The following ARHGAP39 variants were observed in gnomAD, a reference collection of about 807,000 sequenced individuals.
The protein encoded by ARHGAP39 is Rho GTPase activating protein 39.
ARHGAP39 carries 44 observed loss-of-function variants against 106.9 expected under a neutral mutation model. That is an observed-to-expected ratio of 0.41 (90% CI 0.32 to 0.53). The LOEUF (loss-of-function observed/expected upper bound fraction) is 0.53. Ranked by LOEUF, ARHGAP39 falls within the 20% of genes least tolerant of loss-of-function variation. The pLI is 0.21. For missense variants in ARHGAP39, 1,496 were observed against 1,577.3 expected, an observed-to-expected ratio of 0.95 and a Z score of 0.87; for synonymous variants, 768 against 693.2, an observed-to-expected ratio of 1.11 and a Z score of -1.69.
chr8:144,684,548 C>T lies in ARHGAP39; in HGVS notation c.-82+1138G>A, dbSNP rs909950664. ...AGGGGGAGGGGGCCCGGCTGCGTTT[C>T]CGAAGCTGCGCAGCGCCCACAGCAG... On this transcript the variant is annotated intron_variant, in intron 1 of 11. Transcript: ENST00000377307. The surrounding 1 kb of genome is among the most constrained non-coding windows in gnomAD (Gnocchi z 4.4). 1.3e-5 allele frequency among the ~76,000 whole-genome samples: 2 copies of T among 152,334 alleles called. No homozygotes were observed. The highest frequency in any genetic ancestry group is 6.5e-5 in the Admixed American group (1 of 15,308).
chr8:144,643,322 T>C (rs7007319), intron 1 of ARHGAP39, among the ~76,000 whole-genome samples: 1 of 151,914 alleles, frequency 6.6e-6, no homozygotes, highest in Non-Finnish European at 1.5e-5. Context: ...GGCATGGTGG[T>C]GCACACCTGC....
intron 1 of ARHGAP39, among the ~76,000 whole-genome samples, chr8:144,624,051 G>A (rs1251378498): frequency 3.3e-5 from 5 of 152,332 alleles, no homozygotes; most frequent in South Asian, 2.1e-4. Context: ...CAAACAAGCA[G>A]GACCCTCCAC....
upstream of ARHGAP39, among the ~76,000 whole-genome samples, chr8:144,686,302 A>G (rs372169697): frequency 2.9e-4 from 44 of 151,326 alleles, no homozygotes; most frequent in South Asian, 9.2e-3. Context: ...ACCTCCTGTT[A>G]TTCTCACCTT....
In ARHGAP39 at chr8:144,641,980, T is replaced by A. The variant is rs1042128912; in HGVS notation, c.-81-36285A>T. 6.6e-6 allele frequency among the ~76,000 whole-genome samples: 1 copy of A among 152,168 alleles called. No homozygotes were observed. Among genetic ancestry groups the A allele is most frequent in the East Asian group, 1.9e-4 (1 of 5,188 alleles). On this transcript the variant is annotated intron_variant, in intron 1 of 11. Coordinates refer to ENST00000377307, the MANE Select transcript of ARHGAP39 (RefSeq NM_025251.3). The surrounding 1 kb of genome is among the most constrained non-coding windows in gnomAD (Gnocchi z 5.2). ...CTCTCAGAACCACACCCAGGCTACA[T>A]AGATCTGTGAGCAACAGATGTATGT...
At chr8:144,624,121 C>T (rs141658955) in intron 1 of ARHGAP39, among the ~76,000 whole-genome samples, 56 of 152,324 alleles carry the variant, frequency 3.7e-4, no homozygotes, top group African/African-American at 1.3e-3. Context: ...AGCTTCCTTA[C>T]GCTCGTGCTA....
chr8:144,577,461 G>A (rs1037357150), intron 3 of ARHGAP39, among the ~76,000 whole-genome samples: 1 of 152,084 alleles, frequency 6.6e-6, no homozygotes, highest in Non-Finnish European at 1.5e-5. Flanking sequence ...AGCTTTCCCC[G>A]AGATCAGGAG....
chr8:144,566,915 A>T (rs184003276), intron 3 of ARHGAP39, among the ~76,000 whole-genome samples: 3 of 152,178 alleles, frequency 2.0e-5, no homozygotes, highest in African/African-American at 7.2e-5. Flanking sequence ...CATTATGTAA[A>T]GAAATACAAA....
At chr8:144,617,767 A>T (rs916197635) in intron 1 of ARHGAP39, among the ~76,000 whole-genome samples, 1 of 152,076 alleles carries the variant, frequency 6.6e-6, no homozygotes, top group Non-Finnish European at 1.5e-5. Context: ...CATTGATTTT[A>T]AAAATTCTAT....
At chr8:144,686,833 G>GA (rs1347677702), upstream of ARHGAP39, among the ~76,000 whole-genome samples, 1 of 152,006 alleles carries the variant, frequency 6.6e-6, no homozygotes, top group African/African-American at 2.4e-5. Context: ...GACTGCTGAA[G>GA]AAAATCACAC....
In ARHGAP39 at chr8:144,684,002, A is replaced by G. The variant is rs1050392497; in HGVS notation, c.-82+1684T>C. On this transcript the variant is annotated intron_variant, in intron 1 of 11. Coordinates refer to ENST00000377307, the MANE Select transcript of ARHGAP39 (RefSeq NM_025251.3). The surrounding 1 kb of genome is among the most constrained non-coding windows in gnomAD (Gnocchi z 4.4). ...ACAACCCTATGAGGCCAATATTATTAGTGTTCCCATTTTACAGATGAGAAG... is the reference window on the plus strand; with the variant it reads ...ACAACCCTATGAGGCCAATATTATTGGTGTTCCCATTTTACAGATGAGAAG... Among the ~76,000 whole-genome samples, 6 of 152,220 alleles carry G rather than the reference A, an allele frequency of 3.9e-5. No individual in the cohort carries two copies. Among genetic ancestry groups the G allele is most frequent in the African/African-American group, 1.4e-4 (6 of 41,450 alleles).
intron 2 of ARHGAP39, among the ~76,000 whole-genome samples, chr8:144,603,744 C>T (rs1204427994): frequency 3.3e-5 from 5 of 151,484 alleles, no homozygotes; most frequent in Non-Finnish European, 7.4e-5. Context: ...TGCAGTAGCA[C>T]TGAATGTTCT....
Position 144,548,370 on chromosome 8 carries a change from C to T in ARHGAP39, c.716G>A (p.Gly239Glu), listed in dbSNP as rs1425618864. Residue 239 changes from glycine (G) to glutamate (E), a missense_variant, in exon 5 of 12, where the codon GGG (glycine) becomes GAG (glutamate). By Grantham distance (98) the Gly-to-Glu change is moderately conservative. Coordinates refer to ENST00000377307, the MANE Select transcript of ARHGAP39 (RefSeq NM_025251.3). This position sits in a 1 kb window ranked among gnomAD's most constrained non-coding sequence, Gnocchi z 7.4. ...GNGYAPDGPPGVRSRRPSGSQ... is the reference protein window; with the variant it reads ...GNGYAPDGPPEVRSRRPSGSQ... ...GCCGGAGGGTCTGCGGGAGCGGACC[C>T]CAGGTGGGCCGTCTGGGGCGTAGCC... 3.7e-6 allele frequency: 6 copies of T among 1,608,876 alleles called. No individual in the cohort carries two copies. The South Asian group carries it at 4.4e-5, about 12-fold the overall frequency.
chr8:144,549,226 C>T (rs564921706), intron 4 of ARHGAP39, among the ~76,000 whole-genome samples: 7 of 152,378 alleles, frequency 4.6e-5, no homozygotes, highest in East Asian at 3.9e-4. Context: ...CTGCCCCTGG[C>T]GGCCCAAGGT....
chr8:144,680,467 G>C (rs929283844), intron 1 of ARHGAP39, among the ~76,000 whole-genome samples: 1 of 152,164 alleles, frequency 6.6e-6, no homozygotes, highest in Admixed American at 6.5e-5. Context: ...GGGCTGCAGT[G>C]TACTGACCCC....
At chr8:144,691,838 G>C in the ARHGAP39 span, among the ~76,000 whole-genome samples, 1 of 151,952 alleles carries the variant, frequency 6.6e-6, no homozygotes, top group Non-Finnish European at 1.5e-5. Context: ...TCTTTGGATC[G>C]GGTGAGGGCC....
intron 7 of ARHGAP39, among the ~76,000 whole-genome samples, chr8:144,534,723 C>T (rs1456457957): frequency 6.6e-6 from 1 of 152,216 alleles, no homozygotes; most frequent in Non-Finnish European, 1.5e-5. Flanking sequence ...GCCTGAAGTA[C>T]CACCTCTGGG....
chr8:144,544,665 C>T (rs1817333996), intron 6 of ARHGAP39, among the ~76,000 whole-genome samples: 1 of 152,262 alleles, frequency 6.6e-6, no homozygotes, highest in African/African-American at 2.4e-5. Context: ...AGACTCTGGC[C>T]TCCCACGCTG....
At position 144,619,976 on chromosome 8, in the gene ARHGAP39, G is replaced by A. The variant is rs564621861; in HGVS notation, c.-81-14281C>T. On this transcript the variant is annotated intron_variant, in intron 1 of 11. Transcript: ENST00000377307. ...TGTGCCTGTGTGCGTGTGAGCCTGTGCATCTGAGAGCGTGTGTGCCCATGT... is the reference window on the plus strand; with the variant it reads ...TGTGCCTGTGTGCGTGTGAGCCTGTACATCTGAGAGCGTGTGTGCCCATGT... 8.0e-5 allele frequency among the ~76,000 whole-genome samples: 12 copies of A among 149,950 alleles called. No homozygotes were observed. The South Asian group carries it at 2.6e-3, about 32-fold the overall frequency.
chr8:144,554,843 G>C (rs991357707), intron 4 of ARHGAP39, among the ~76,000 whole-genome samples: 1 of 152,224 alleles, frequency 6.6e-6, no homozygotes, highest in Non-Finnish European at 1.5e-5. Flanking sequence ...CCACTTCCAA[G>C]CTCCAGCTGT....
Sources: allele counts gnomAD v4.1 joint callset (sites outside exome capture counted in the v4.1 genomes callset), GRCh38; gene constraint gnomAD v4.1.1; non-coding constraint Gnocchi (gnomAD v3.1); transcripts MANE v1.5; gene names NCBI Gene and HGNC (gene_info 2026-07-23, HGNC 2026-07-21).